The following STAC variants were observed in gnomAD, a reference collection of about 807,000 sequenced individuals.
The protein encoded by STAC is SH3 and cysteine-rich domain-containing protein.
A neutral mutation model predicts 48.8 loss-of-function variants in STAC; 43 were observed. That is an observed-to-expected ratio of 0.88 (90% CI 0.69 to 1.14). The LOEUF (loss-of-function observed/expected upper bound fraction) is 1.14, where lower values mean the gene tolerates loss of function less well. Ranked by LOEUF, STAC falls within the 50% of genes most tolerant of loss-of-function variation. The probability of loss-of-function intolerance (pLI) is 0.00; values close to 1 mark genes in which losing one functional copy is unlikely to be tolerated. For missense variants in STAC, 497 were observed against 504.0 expected (o/e 0.99, Z 0.13); for synonymous variants, 193 against 179.5 (o/e 1.07, Z -0.60).
At chr3:36,523,894 A>T (rs1449653537) in intron 8 of STAC, among the ~76,000 whole-genome samples, 1 of 152,236 alleles carries the variant, frequency 6.6e-6, no homozygotes, top group Non-Finnish European at 1.5e-5. Context: ...GCAAGAGAAG[A>T]TAACTAAATT....
At chr3:36,475,764 T>A (rs1697477211) in intron 2 of STAC, among the ~76,000 whole-genome samples, 1 of 152,210 alleles carries the variant, frequency 6.6e-6, no homozygotes, top group African/African-American at 2.4e-5. Context: ...CTTGTCCAGA[T>A]AGATTTCAAC....
intron 5 of STAC, among the ~76,000 whole-genome samples, 166 bp from the exon 6 acceptor site, chr3:36,492,985 C>T (rs569950219): frequency 5.8e-4 from 88 of 152,280 alleles, no homozygotes; most frequent in Middle Eastern, 3.4e-3. Context: ...ACAGTGCCCA[C>T]GAGTGGACAT....
chr3:36,383,808 C>T (rs964092273), intron 1 of STAC, among the ~76,000 whole-genome samples: 1 of 152,164 alleles, frequency 6.6e-6, no homozygotes, highest in Admixed American at 6.5e-5. Context: ...ATCTTAATGT[C>T]CTTTTTCTCT....
intron 2 of STAC, among the ~76,000 whole-genome samples, chr3:36,465,633 A>G (rs1368194528): frequency 2.0e-5 from 3 of 152,008 alleles, no homozygotes; most frequent in Admixed American, 2.0e-4. Flanking sequence ...CTAAAGGGGA[A>G]TTTATTAAAT....
At chr3:36,499,619 A>G (rs1329900166) in intron 6 of STAC, among the ~76,000 whole-genome samples, 1 of 152,158 alleles carries the variant, frequency 6.6e-6, no homozygotes, top group Non-Finnish European at 1.5e-5. Context: ...AGGAATCCCA[A>G]TTTATCAGTA....
At chr3:36,533,732 G>T (rs929490800) in intron 10 of STAC, among the ~76,000 whole-genome samples, 11 of 152,094 alleles carry the variant, frequency 7.2e-5, no homozygotes, top group South Asian at 6.3e-4. Context: ...AACTGAATCT[G>T]CTAGGGTTTG....
rs893555408 is a variant in STAC at position 36,497,716 on chromosome 3, GGAAA to G, written c.766+4502_766+4505del. Among the ~76,000 whole-genome samples, 12 of 150,990 alleles carry G rather than the reference GGAAA, an allele frequency of 7.9e-5. No homozygotes were observed. In the South Asian group the frequency reaches 1.9e-3, roughly 24 times the overall value. The stretch of plus-strand genomic sequence containing the variant: ...TGGAAACAAAAAAGTGGAGAGGAAA[GGAAA>G]GAAAGAAAGAAAGACAGGCAGAAAA... On this transcript the variant is annotated intron_variant, in intron 6 of 10. Coordinates refer to ENST00000273183, the MANE Select transcript of STAC (RefSeq NM_003149.3).
chr3:36,526,563 C>G (rs936233136), intron 8 of STAC, among the ~76,000 whole-genome samples: 1 of 152,148 alleles, frequency 6.6e-6, no homozygotes, highest in South Asian at 2.1e-4. Flanking sequence ...AACACCCAGG[C>G]CTGTGAGTGA....
chr3:36,536,912 G>A (rs1321564954), intron 10 of STAC, among the ~76,000 whole-genome samples: 1 of 149,714 alleles, frequency 6.7e-6, no homozygotes, highest in African/African-American at 2.4e-5. Context: ...CTTCTCAAAA[G>A]AAGATATTTA....
intron 1 of STAC, among the ~76,000 whole-genome samples, chr3:36,391,121 C>T (rs17186340): frequency 0.069 from 10,468 of 152,170 alleles, 416 homozygotes; most frequent in Middle Eastern, 0.092. Flanking sequence ...AACACTGATT[C>T]CTTAGATCTG....
intron 2 of STAC, among the ~76,000 whole-genome samples, chr3:36,457,341 TAAC>T (rs1278769209): frequency 6.6e-6 from 1 of 152,206 alleles, no homozygotes; most frequent in African/African-American, 2.4e-5. Context: ...AGAGCAGAAA[TAAC>T]AATACCTACA....
intron 1 of STAC, among the ~76,000 whole-genome samples, chr3:36,391,466 G>A (rs909244086): frequency 6.6e-6 from 1 of 152,162 alleles, no homozygotes; most frequent in Admixed American, 6.5e-5. Context: ...AATATATCCT[G>A]CTGCCCTTTG....
intron 1 of STAC, among the ~76,000 whole-genome samples, chr3:36,416,918 C>A (rs1420513358): frequency 6.6e-6 from 1 of 152,166 alleles, no homozygotes; most frequent in East Asian, 1.9e-4. Flanking sequence ...CTGGATTCAA[C>A]CACTCCCTGT....
At chr3:36,526,333 C>T (rs1698935708) in intron 8 of STAC, among the ~76,000 whole-genome samples, 1 of 152,150 alleles carries the variant, frequency 6.6e-6, no homozygotes, top group African/African-American at 2.4e-5. Context: ...GTTACCCTAT[C>T]CCTTGAGTCT....
chr3:36,528,754 G>C lies in STAC; in HGVS notation c.972+7G>C, dbSNP rs1470236007. On this transcript the variant is annotated splice_region_variant and intron_variant, in intron 9 of 10. Coordinates refer to ENST00000273183, the MANE Select transcript of STAC (RefSeq NM_003149.3). ...CAATGAAGACTGGTGGAAAGTAAGT[G>C]TTCCTCTTTCTTTAAAAAAAAAAGA... The C allele has an allele frequency of 1.2e-6, 2 of 1,603,114 alleles. No homozygotes were observed. Among genetic ancestry groups the C allele is most frequent in the African/African-American group, 2.7e-5 (2 of 73,634 alleles).
Position 36,485,061 on chromosome 3 carries a change from G to A in STAC, c.571+3G>A. 1 of 1,601,212 alleles carries A rather than the reference G, an allele frequency of 6.2e-7. No homozygotes were observed. The highest frequency in any genetic ancestry group is 2.3e-5 in the East Asian group (1 of 43,876). ...CATTAAAGAAGTTATGCCCATTGGT[G>A]AGTTGGGACATTGATGGGTTGAGTT... On this transcript the variant is annotated splice_donor_region_variant and intron_variant, in intron 4 of 10. Coordinates refer to ENST00000273183, the MANE Select transcript of STAC (RefSeq NM_003149.3).
At chr3:36,421,031 G>A (rs997140153) in intron 1 of STAC, among the ~76,000 whole-genome samples, 3 of 152,100 alleles carry the variant, frequency 2.0e-5, no homozygotes, top group African/African-American at 7.2e-5. Flanking sequence ...TTCATATTGT[G>A]GAAGGGAAAT....
intron 8 of STAC, among the ~76,000 whole-genome samples, chr3:36,525,693 T>C (rs188503551): frequency 1.4e-4 from 21 of 152,344 alleles, no homozygotes; most frequent in Middle Eastern, 3.4e-3. Context: ...GCTTAGAAGA[T>C]TTTTCTACAT....
At chr3:36,452,341 C>T (rs1228149420) in intron 2 of STAC, among the ~76,000 whole-genome samples, 3 of 152,134 alleles carry the variant, frequency 2.0e-5, no homozygotes, top group Non-Finnish European at 4.4e-5. Context: ...ATAGTATAAC[C>T]TTTCAAGGCA....
Sources: gnomAD v4.1 joint callset for allele counts (sites outside exome capture counted in the v4.1 genomes callset) on GRCh38, gnomAD v4.1.1 for gene constraint, MANE v1.5 for transcripts, NCBI Gene and HGNC (gene_info 2026-07-23, HGNC 2026-07-21) for gene names.